FANCC: variants seen among roughly 807,000 people sequenced by gnomAD.
FANCC encodes Fanconi anemia group C protein.
Under a neutral mutation model 71.3 loss-of-function variants are expected in FANCC, and 55 were observed. The ratio of observed to expected loss-of-function variants is 0.77; its 90% CI spans 0.62 to 0.97. The LOEUF (loss-of-function observed/expected upper bound fraction) is 0.97. FANCC is among the 50% of genes least tolerant of loss of function. FANCC has a pLI of 0.00. For synonymous variants in FANCC, 275 were observed against 244.9 expected (o/e 1.12, Z -1.15); for missense variants, 678 against 670.9 (o/e 1.01, Z -0.12).
intron 1 of FANCC, among the ~76,000 whole-genome samples, chr9:95,255,223 T>A (rs1009943694): frequency 1.3e-5 from 2 of 152,204 alleles, no homozygotes; most frequent in East Asian, 3.9e-4. Context: ...AAAGACTGCC[T>A]CCTCAAGTGG....
chr9:95,316,291 T>C (rs956264314), intron 1 of FANCC, among the ~76,000 whole-genome samples: 1 of 152,262 alleles, frequency 6.6e-6, no homozygotes, highest in African/African-American at 2.4e-5. Flanking sequence ...CAGGTGACTC[T>C]GGTACAGCAC....
intron 6 of FANCC, among the ~76,000 whole-genome samples, chr9:95,167,770 G>A (rs1011588717): frequency 3.9e-5 from 6 of 152,110 alleles, no homozygotes; most frequent in African/African-American, 1.2e-4. Context: ...GATCCCTTAA[G>A]GCAATTATTT....
chr9:95,302,229 C>T (rs999526872), intron 1 of FANCC, among the ~76,000 whole-genome samples: 3 of 152,158 alleles, frequency 2.0e-5, no homozygotes, highest in Non-Finnish European at 2.9e-5. Flanking sequence ...GCTGCTCCCA[C>T]GTGGTGGACA....
chr9:95,264,129 C>T (rs1473323664), intron 1 of FANCC, among the ~76,000 whole-genome samples: 2 of 152,202 alleles, frequency 1.3e-5, no homozygotes, highest in Non-Finnish European at 2.9e-5. Flanking sequence ...AAATGTGGAA[C>T]TGCTCTTTTT....
intron 4 of FANCC, among the ~76,000 whole-genome samples, chr9:95,216,535 G>T (rs1451335825): frequency 6.6e-6 from 1 of 152,198 alleles, no homozygotes; most frequent in East Asian, 1.9e-4. Flanking sequence ...TATTTTCAAT[G>T]ATATTTGTAC....
chr9:95,224,572 T>G (rs907620496), intron 4 of FANCC, among the ~76,000 whole-genome samples: 2 of 152,004 alleles, frequency 1.3e-5, no homozygotes, highest in Non-Finnish European at 2.9e-5. Flanking sequence ...CTCCTGAAAT[T>G]TTTCATCTTG....
chr9:95,248,355 G>A (rs1831124770), intron 2 of FANCC, among the ~76,000 whole-genome samples: 1 of 152,122 alleles, frequency 6.6e-6, no homozygotes, highest in Admixed American at 6.5e-5. Context: ...AGTTACGTAT[G>A]TCTCATTAAA....
chr9:95,119,238 T>C (rs1263867190), intron 10 of FANCC, among the ~76,000 whole-genome samples: 1 of 152,232 alleles, frequency 6.6e-6, no homozygotes, highest in Non-Finnish European at 1.5e-5. Context: ...TTTTAAAAAC[T>C]GGTTTCTTAG....
chr9:95,289,662 A>C (rs1210648082), intron 1 of FANCC, among the ~76,000 whole-genome samples: 1 of 152,046 alleles, frequency 6.6e-6, no homozygotes, highest in African/African-American at 2.4e-5. Context: ...TATTTTATTG[A>C]CTGACTGAGA....
At chr9:95,245,937 A>G (rs187654291) in intron 3 of FANCC, among the ~76,000 whole-genome samples, 201 of 152,048 alleles carry the variant, frequency 1.3e-3, no homozygotes, top group African/African-American at 4.3e-3. Context: ...TGATCTCTCC[A>G]TCTCTCTCAA....
chr9:95,172,084 C>T lies in FANCC; in HGVS notation c.409G>A (p.Gly137Ser). The stretch of plus-strand genomic sequence containing the variant: ...TAATCTATAGGTGCATACCCAAGAC[C>T]TTGAGTGAAAAGAGCAACTTCTTTA... Reference protein sequence around the residue: ...FDKEVALFTQGLGYAPIDYYP... With the variant: ...FDKEVALFTQSLGYAPIDYYP... The change falls in exon 5 of 15, where the codon GGT (glycine) becomes AGT (serine). Residue 137 changes from glycine (G) to serine (S), a missense_variant. Gly to Ser is a moderately conservative substitution (Grantham distance 56). Transcript: ENST00000289081. 6.2e-7 allele frequency: 1 copy of T among 1,613,378 alleles called. No homozygotes were observed. Among genetic ancestry groups the T allele is most frequent in the East Asian group, 2.2e-5 (1 of 44,792 alleles).
At chr9:95,237,646 C>G (rs1209879601) in intron 4 of FANCC, among the ~76,000 whole-genome samples, 1 of 152,316 alleles carries the variant, frequency 6.6e-6, no homozygotes, top group African/African-American at 2.4e-5. Flanking sequence ...AATACCGATA[C>G]TTGATTCAGT....
intron 10 of FANCC, among the ~76,000 whole-genome samples, chr9:95,119,878 A>C (rs1428079293): frequency 6.6e-6 from 1 of 151,922 alleles, no homozygotes; most frequent in Non-Finnish European, 1.5e-5. Flanking sequence ...CGTTCAGCTA[A>C]ATTTTGTATT....
intron 4 of FANCC, among the ~76,000 whole-genome samples, chr9:95,231,181 G>A (rs539789424): frequency 7.2e-5 from 11 of 152,278 alleles, no homozygotes; most frequent in Admixed American, 2.0e-4. Flanking sequence ...TACTATTTTA[G>A]ACCATGAGTT....
chr9:95,168,921 T>A (rs1825483134), intron 6 of FANCC, among the ~76,000 whole-genome samples: 1 of 152,224 alleles, frequency 6.6e-6, no homozygotes, highest in African/African-American at 2.4e-5. Flanking sequence ...ACCCAGGGTA[T>A]CCATAATATA....
At chr9:95,164,238 C>T (rs1830931640) in intron 6 of FANCC, among the ~76,000 whole-genome samples, 1 of 152,116 alleles carries the variant, frequency 6.6e-6, no homozygotes, top group African/African-American at 2.4e-5. Flanking sequence ...TCCTTCCTTT[C>T]CAATTTGGAT....
At position 95,266,931 on chromosome 9, in the gene FANCC, G is replaced by A. The variant is rs1832416010; in HGVS notation, c.-78-17562C>T. Among the ~76,000 whole-genome samples, 5 of 152,168 alleles carry A rather than the reference G, an allele frequency of 3.3e-5. No individual in the cohort carries two copies. The South Asian group carries it at 1.0e-3, about 32-fold the overall frequency. On this transcript the variant is annotated intron_variant, in intron 1 of 14. Coordinates refer to ENST00000289081, the MANE Select transcript of FANCC (RefSeq NM_000136.3). ...TGGCACGGTAAATTCACTTTTGGAT[G>A]GATTCTCTTTACTCCAAACATACAG...
intron 1 of FANCC, among the ~76,000 whole-genome samples, chr9:95,307,199 T>A (rs927071508): frequency 5.9e-5 from 9 of 152,142 alleles, no homozygotes; most frequent in African/African-American, 2.2e-4. Context: ...AAAATGCCTA[T>A]CTTACCTTAG....
At chr9:95,119,240 G>A (rs911294972) in intron 10 of FANCC, among the ~76,000 whole-genome samples, 3 of 152,002 alleles carry the variant, frequency 2.0e-5, no homozygotes, top group Admixed American at 6.6e-5. Context: ...TTAAAAACTG[G>A]TTTCTTAGGC....
Sources: gnomAD v4.1 joint callset for allele counts (sites outside exome capture counted in the v4.1 genomes callset) on GRCh38, gnomAD v4.1.1 for gene constraint, MANE v1.5 for transcripts, NCBI Gene and HGNC (gene_info 2026-07-23, HGNC 2026-07-21) for gene names.